SHISA9: variants seen among roughly 807,000 people sequenced by gnomAD.
The protein encoded by SHISA9 is protein shisa-9.
SHISA9 carries 13 observed loss-of-function variants against 38.0 expected under a neutral mutation model. That is an observed-to-expected ratio of 0.34 (90% CI 0.22 to 0.54). The LOEUF (loss-of-function observed/expected upper bound fraction) is 0.54. SHISA9 is among the 20% of genes least tolerant of loss of function. The probability of loss-of-function intolerance (pLI) is 0.91; values close to 1 mark genes in which losing one functional copy is unlikely to be tolerated. For synonymous variants in SHISA9, 275 were observed against 242.0 expected (o/e 1.14, Z -1.27); for missense variants, 538 against 575.8 (o/e 0.93, Z 0.67).
At chr16:13,411,415 C>T in the SHISA9 span, among the ~76,000 whole-genome samples, 1 of 152,134 alleles carries the variant, frequency 6.6e-6, no homozygotes, top group Non-Finnish European at 1.5e-5. Flanking sequence ...TGGCCATATG[C>T]AATAATACAT....
downstream of SHISA9, among the ~76,000 whole-genome samples, chr16:13,240,825 T>G (rs2051429612): frequency 6.6e-6 from 1 of 152,180 alleles, no homozygotes; most frequent in African/African-American, 2.4e-5. Flanking sequence ...TAAATTTTAT[T>G]TCCTGTCTGG....
At chr16:13,233,251 A>G (rs1312528477) in intron 4 of SHISA9, among the ~76,000 whole-genome samples, 1 of 152,118 alleles carries the variant, frequency 6.6e-6, no homozygotes, top group African/African-American at 2.4e-5. Context: ...CTCAAAAGAA[A>G]GAACGAGAAA....
At chr16:12,914,046 CTTTTTTT>C (rs61679035) in intron 1 of SHISA9, among the ~76,000 whole-genome samples, 3 of 124,272 alleles carry the variant, frequency 2.4e-5, no homozygotes, top group African/African-American at 5.9e-5. Flanking sequence ...GTTTGTTTTT[CTTTTTTT>C]TTTTTTTTTT....
chr16:13,254,809 TC>T, the SHISA9 span, among the ~76,000 whole-genome samples: 796 of 152,298 alleles, frequency 5.2e-3, 6 homozygotes, highest in African/African-American at 0.018. Flanking sequence ...GAAGAAACAG[TC>T]CCTTCCGGGC....
At chr16:12,982,076 A>G (rs867603909) in intron 2 of SHISA9, among the ~76,000 whole-genome samples, 6 of 152,202 alleles carry the variant, frequency 3.9e-5, no homozygotes, top group South Asian at 2.1e-4. Flanking sequence ...TGCGATTACT[A>G]TACGCCAGGC....
At chr16:13,097,490 G>A (rs529124072) in intron 2 of SHISA9, among the ~76,000 whole-genome samples, 14 of 151,954 alleles carry the variant, frequency 9.2e-5, no homozygotes, top group East Asian at 1.9e-4. Context: ...TATCACTCAA[G>A]TGATAGCTCA....
chr16:12,902,229 C>A lies in SHISA9; in HGVS notation c.165C>A (p.Ser55Arg), dbSNP rs943430138. 3.9e-6 allele frequency: 6 copies of A among 1,539,950 alleles called. No individual in the cohort carries two copies. The highest frequency in any genetic ancestry group is 5.2e-6 in the Non-Finnish European group (6 of 1,145,856). The part of the protein sequence containing the change: ...NRSGAASGEA[S>R]EGAEASDAPP... ...CCGGGGCCGCCTCCGGAGAGGCCAG[C>A]GAGGGCGCTGAGGCATCGGACGCGC... The change falls in exon 1 of 5, where the codon AGC (serine) becomes AGA (arginine). Residue 55 changes from serine (S) to arginine (R), a missense_variant. Coordinates refer to ENST00000558583, the MANE Select transcript of SHISA9 (RefSeq NM_001145204.3).
chr16:13,191,200 G>T (rs2050882094), intron 2 of SHISA9, among the ~76,000 whole-genome samples: 1 of 152,222 alleles, frequency 6.6e-6, no homozygotes, highest in Non-Finnish European at 1.5e-5. Flanking sequence ...AAAAGCCAGA[G>T]CTCTGTTCTG....
chr16:13,006,425 C>G (rs1402607068), intron 2 of SHISA9, among the ~76,000 whole-genome samples: 2 of 152,208 alleles, frequency 1.3e-5, no homozygotes. Flanking sequence ...CAAGCACGTT[C>G]TCTGTCTCTC....
intron 1 of SHISA9, among the ~76,000 whole-genome samples, chr16:12,906,375 G>A (rs2141706288): frequency 6.6e-6 from 1 of 152,274 alleles, no homozygotes; most frequent in South Asian, 2.1e-4. Context: ...CCAGTTTGCA[G>A]GTTCAGAGTC....
intron 2 of SHISA9, among the ~76,000 whole-genome samples, chr16:12,939,291 C>G (rs1055829530): frequency 2.6e-5 from 4 of 152,142 alleles, no homozygotes; most frequent in African/African-American, 9.7e-5. Flanking sequence ...ACCATGTTGG[C>G]CAAGCTGGTC....
the SHISA9 span, among the ~76,000 whole-genome samples, chr16:13,259,853 G>A: frequency 6.6e-6 from 1 of 152,010 alleles, no homozygotes; most frequent in African/African-American, 2.4e-5. Flanking sequence ...CTCTGGGCCT[G>A]TGATAGAAGA....
At chr16:13,216,231 G>A (rs188246826) in intron 4 of SHISA9, among the ~76,000 whole-genome samples, 2 of 149,348 alleles carry the variant, frequency 1.3e-5, no homozygotes, top group East Asian at 4.0e-4. Context: ...GGATATGATG[G>A]GCTTAGACTC....
the SHISA9 span, among the ~76,000 whole-genome samples, chr16:13,328,190 A>G: frequency 7.9e-5 from 12 of 152,138 alleles, no homozygotes; most frequent in African/African-American, 2.9e-4. Context: ...GCCCCTGTGC[A>G]CTTCTACAGA....
chr16:13,148,143 C>A lies in SHISA9; in HGVS notation c.692-55251C>A, dbSNP rs140939204. Among the ~76,000 whole-genome samples, 674 of 152,270 alleles carry A rather than the reference C, an allele frequency of 4.4e-3. 2 individuals are homozygous for A. Among genetic ancestry groups the A allele is most frequent in the East Asian group, 0.011 (56 of 5,176 alleles). The stretch of plus-strand genomic sequence containing the variant: ...CAACATACACACCTGCCAGCACATA[C>A]CTACATGACCTTCGTGCCCTTCCCG... On this transcript the variant is annotated intron_variant, in intron 2 of 4. Transcript: ENST00000558583.
chr16:13,469,373 G>GGAA, the SHISA9 span, among the ~76,000 whole-genome samples: 81 of 83,588 alleles, frequency 9.7e-4, 1 homozygote, highest in South Asian at 1.0e-3. Context: ...GAAAAAGAAA[G>GGAA]AAAGAAAGAA....
chr16:12,936,337 T>G (rs2071532395), intron 2 of SHISA9, among the ~76,000 whole-genome samples: 1 of 152,228 alleles, frequency 6.6e-6, no homozygotes, highest in Non-Finnish European at 1.5e-5. Flanking sequence ...TAGGTTTCCA[T>G]GGCTGGAGTA....
chr16:13,355,369 T>C, the SHISA9 span, among the ~76,000 whole-genome samples: 4 of 151,684 alleles, frequency 2.6e-5, no homozygotes, highest in African/African-American at 7.3e-5. Context: ...GGGTGCATGA[T>C]TGGTCACCAA....
At chr16:12,949,177 G>A (rs1339294125) in intron 2 of SHISA9, among the ~76,000 whole-genome samples, 2 of 152,192 alleles carry the variant, frequency 1.3e-5, no homozygotes, top group African/African-American at 2.4e-5. Flanking sequence ...CTTATGCAAA[G>A]CATGTATTAT....
Sources: gnomAD v4.1 joint callset for allele counts (sites outside exome capture counted in the v4.1 genomes callset) on GRCh38, gnomAD v4.1.1 for gene constraint, MANE v1.5 for transcripts, NCBI Gene and HGNC (gene_info 2026-07-23, HGNC 2026-07-21) for gene names.